The following CORO1C variants were observed in gnomAD, a reference collection of about 807,000 sequenced individuals.
CORO1C encodes coronin-1C.
Under a neutral mutation model 51.2 loss-of-function variants are expected in CORO1C, and 14 were observed. The ratio of observed to expected loss-of-function variants is 0.27; its 90% CI spans 0.18 to 0.43. CORO1C has a LOEUF of 0.43. CORO1C is among the 20% of genes least tolerant of loss of function. The pLI is 1.00. For synonymous variants in CORO1C, 181 were observed against 210.5 expected (o/e 0.86, Z 1.21); for missense variants, 417 against 607.8 (o/e 0.69, Z 3.30).
intron 8 of CORO1C, among the ~76,000 whole-genome samples, chr12:108,650,609 A>C (rs2032604893): frequency 6.6e-6 from 1 of 152,190 alleles, no homozygotes. Context: ...ACCAAGCCTT[A>C]AGTTCTTCAT....
rs532076642 is a variant in CORO1C, at chr12:108,649,414, G to A, written c.1002-394C>T. The A allele has an allele frequency of 3.9e-5, 9 of 230,890 alleles. No individual in the cohort carries two copies. The South Asian group carries it at 4.7e-4, about 12-fold the overall frequency. The allele number at this position is 230,890 out of a possible 1,614,324, so 14.3% of individuals were successfully genotyped here. Reference sequence around the variant, plus strand: ...ATCTGTTAGATTGTATCTACAACGCGGGTACAAGGTCTTCTGCCAGCTTGA... The same window carrying A: ...ATCTGTTAGATTGTATCTACAACGCAGGTACAAGGTCTTCTGCCAGCTTGA... On this transcript the variant is annotated intron_variant, in intron 8 of 10. Coordinates refer to ENST00000261401, the MANE Select transcript of CORO1C (RefSeq NM_014325.4).
At chr12:108,669,907 G>T (rs1284206550) in intron 3 of CORO1C, among the ~76,000 whole-genome samples, 2 of 151,880 alleles carry the variant, frequency 1.3e-5, no homozygotes, top group South Asian at 2.1e-4. Context: ...GTGATTAAAG[G>T]GTGATTTAAA....
chr12:108,645,168 T>C lies in CORO1C; in HGVS notation c.*2235A>G, dbSNP rs1054137371. ...AAGCAAGTGTTTTGACAGAACACTA[T>C]GGCCACTCTATAAGAGCCGACCTAG... On this transcript the variant is annotated 3_prime_UTR_variant, in exon 11 of 11. Transcript: ENST00000261401. The C allele has an allele frequency of 6.6e-5, 10 of 151,096 alleles. No homozygotes were observed. The highest frequency in any genetic ancestry group is 7.4e-5 in the Non-Finnish European group (5 of 67,940). The allele number at this position is 151,096 out of a possible 1,614,324, so 9.4% of individuals were successfully genotyped here. A position where few individuals can be genotyped will look rare whatever the true frequency, so the allele number is the denominator to read the frequency against.
chr12:108,662,320 T>TTTTTTTTGTTTG (rs1008249221), intron 3 of CORO1C, among the ~76,000 whole-genome samples, 162 bp from the exon 4 acceptor site: 1 of 151,900 alleles, frequency 6.6e-6, no homozygotes, highest in Non-Finnish European at 1.5e-5. Flanking sequence ...TTAGGCGGTT[T>TTTTTTTTGTTTG]TTTTTTTGTT....
intron 2 of CORO1C, among the ~76,000 whole-genome samples, chr12:108,696,927 T>C (rs2136860169): frequency 6.6e-6 from 1 of 152,344 alleles, no homozygotes. Flanking sequence ...AAACACCTCA[T>C]AAACCATATG....
chr12:108,707,474 A>C (rs2035059970), intron 1 of CORO1C, among the ~76,000 whole-genome samples: 1 of 152,218 alleles, frequency 6.6e-6, no homozygotes, highest in South Asian at 2.1e-4. Flanking sequence ...CAATACGTAA[A>C]ATAGCTAACT....
intron 1 of CORO1C, chr12:108,703,085 A>T (rs1163703999): frequency 2.5e-6 from 2 of 808,544 alleles, no homozygotes; most frequent in Non-Finnish European, 3.6e-6. Context: ...AGGAAAGCAC[A>T]TCTATACAAA....
intron 3 of CORO1C, among the ~76,000 whole-genome samples, chr12:108,669,079 G>A (rs185642080): frequency 1.6e-3 from 245 of 152,274 alleles, no homozygotes; most frequent in Non-Finnish European, 2.8e-3. Context: ...GGTAAACTGT[G>A]TCAATATAAT....
intron 1 of CORO1C, among the ~76,000 whole-genome samples, chr12:108,721,797 T>C (rs545184560): frequency 2.0e-5 from 3 of 152,136 alleles, no homozygotes; most frequent in African/African-American, 7.2e-5. Context: ...CTCTGGCCAT[T>C]ATAAGATGCC....
At chr12:108,705,783 G>C (rs1049722422) in intron 1 of CORO1C, among the ~76,000 whole-genome samples, 3 of 152,102 alleles carry the variant, frequency 2.0e-5, no homozygotes, top group African/African-American at 7.2e-5. Context: ...CCACAATCAA[G>C]TGGGATTTAT....
chr12:108,671,181 A>T (rs2033703899), intron 3 of CORO1C, among the ~76,000 whole-genome samples: 1 of 152,086 alleles, frequency 6.6e-6, no homozygotes, highest in South Asian at 2.1e-4. Flanking sequence ...CAAAAAAAAT[A>T]GAAAATTAGC....
Position 108,678,360 on chromosome 12 carries a change from C to T in CORO1C, c.230G>A (p.Cys77Tyr). The part of the protein sequence containing the change: ...GRIDKSYPTV[C>Y]GHTGPVLDID... ...GTCCAGCACTGGTCCTGTGTGGCCA[C>T]ATACTGTAGGGTAAGATTTGTCAAT... The change falls in exon 3 of 11, where the codon TGT (cysteine) becomes TAT (tyrosine). Residue 77 changes from cysteine to tyrosine, a missense_variant. Coordinates refer to ENST00000261401, the MANE Select transcript of CORO1C (RefSeq NM_014325.4). 4 of 1,602,702 alleles carry T rather than the reference C, an allele frequency of 2.5e-6. No homozygotes were observed. Among genetic ancestry groups the T allele is most frequent in the Non-Finnish European group, 3.4e-6 (4 of 1,174,456 alleles).
chr12:108,697,604 A>G (rs1200613940), intron 2 of CORO1C, among the ~76,000 whole-genome samples: 3 of 152,240 alleles, frequency 2.0e-5, no homozygotes, highest in Non-Finnish European at 4.4e-5. Flanking sequence ...TTTCCAGGGT[A>G]AAGAGCCCTA....
chr12:108,656,095 T>C (rs965567105), intron 6 of CORO1C, among the ~76,000 whole-genome samples: 1 of 145,526 alleles, frequency 6.9e-6, no homozygotes, highest in Non-Finnish European at 1.5e-5. Context: ...GAGGAGCCCC[T>C]CTGCCCGGCA....
At position 108,715,187 on chromosome 12, in the gene CORO1C, T is replaced by C. The variant is rs146590694; in HGVS notation, c.-5-13864A>G. Among the ~76,000 whole-genome samples, 291 of 152,168 alleles carry C rather than the reference T, an allele frequency of 1.9e-3. 1 individual carries two copies. The highest frequency in any genetic ancestry group is 3.7e-3 in the South Asian group (18 of 4,818). On this transcript the variant is annotated intron_variant, in intron 1 of 10. Coordinates refer to ENST00000261401, the MANE Select transcript of CORO1C (RefSeq NM_014325.4). Reference sequence around the variant, plus strand: ...AGTCTGAGGCTGCACTGAGCTATTATTGCACCACTGAACTTGATACCAAAA... The same window carrying C: ...AGTCTGAGGCTGCACTGAGCTATTACTGCACCACTGAACTTGATACCAAAA...
chr12:108,650,180 CTTTTTTTTTTTTTTT>C (rs1057367204), intron 8 of CORO1C, among the ~76,000 whole-genome samples: 11 of 80,416 alleles, frequency 1.4e-4, no homozygotes, highest in African/African-American at 2.8e-4. Context: ...AACCAAAAAC[CTTTTTTTTTTTTTTT>C]TTTTTTTTTT....
chr12:108,646,453 G>A lies in CORO1C; in HGVS notation c.*950C>T, dbSNP rs1428326776. The A allele has an allele frequency of 3.3e-5, 5 of 152,236 alleles. No homozygotes were observed. 9.4% of individuals were successfully genotyped at this position (152,236 alleles called of 1,614,324 possible). On this transcript the variant is annotated 3_prime_UTR_variant, in exon 11 of 11. Transcript: ENST00000261401. ...CAAGAAGGAACACTCAGCAGTACAC[G>A]TCTTCCTGTCCTGGGCACCCTTGTC... is the stretch of plus-strand genomic sequence containing the variant.
In CORO1C at chr12:108,662,171, G is replaced by A. The variant is rs2033293344; in HGVS notation, c.319-13C>T. On this transcript the variant is annotated splice_polypyrimidine_tract_variant and intron_variant, in intron 3 of 10. Transcript: ENST00000261401. Reference sequence around the variant, plus strand: ...GGATCTGCCATACCTGTTGGACAAGGAAGAAAGATGATCCACATGAAAGCT... The same window carrying A: ...GGATCTGCCATACCTGTTGGACAAGAAAGAAAGATGATCCACATGAAAGCT... 1 of 1,611,436 alleles carries A rather than the reference G, an allele frequency of 6.2e-7. No homozygotes were observed. Among genetic ancestry groups the A allele is most frequent in the Admixed American group, 1.7e-5 (1 of 59,992 alleles).
intron 4 of CORO1C, among the ~76,000 whole-genome samples, chr12:108,660,246 G>A (rs2136809903): frequency 6.6e-6 from 1 of 152,316 alleles, no homozygotes; most frequent in Middle Eastern, 3.4e-3. Flanking sequence ...GAGGTCAGGA[G>A]TTGGAGACCA....
Sources: gnomAD v4.1 joint callset for allele counts (sites outside exome capture counted in the v4.1 genomes callset) on GRCh38, gnomAD v4.1.1 for gene constraint, MANE v1.5 for transcripts, NCBI Gene and HGNC (gene_info 2026-07-23, HGNC 2026-07-21) for gene names.